Variants in PLEKHA7 observed in about 807,000 individuals in gnomAD.
PLEKHA7 encodes pleckstrin homology domain containing A7.
PLEKHA7 carries 104 observed loss-of-function variants against 170.0 expected under a neutral mutation model. That is an observed-to-expected ratio of 0.61 (90% CI 0.52 to 0.72). PLEKHA7 has a LOEUF of 0.72. Among genes scored for constraint, PLEKHA7 ranks in the 30% least tolerant of loss-of-function variants. PLEKHA7 has a pLI of 0.00. For synonymous variants in PLEKHA7, 648 were observed against 660.8 expected (o/e 0.98, Z 0.30); for missense variants, 1,615 against 1,671.7 (o/e 0.97, Z 0.59).
chr11:16,786,169 C>A, intron 24 of PLEKHA7, 60 bp downstream of exon 24: 1 of 1,519,480 alleles, frequency 6.6e-7, no homozygotes, highest in East Asian at 2.5e-5. Context: ...GAAGGTGGAT[C>A]AGGCTGGGAA....
At chr11:16,840,816 C>A (rs6486314) in intron 9 of PLEKHA7, among the ~76,000 whole-genome samples, 6 of 152,012 alleles carry the variant, frequency 3.9e-5, no homozygotes, top group Admixed American at 3.9e-4. Flanking sequence ...CCACGAATTC[C>A]GAAAACCACA....
At position 16,817,047 on chromosome 11, in the gene PLEKHA7, G is replaced by A. The variant is rs1002081854; in HGVS notation, c.1619C>T (p.Pro540Leu). 22 of 1,608,212 alleles carry A rather than the reference G, an allele frequency of 1.4e-5. No homozygotes were observed. The highest frequency in any genetic ancestry group is 1.1e-5 in the Non-Finnish European group (13 of 1,176,722). ...QQFRHGSPTA[P>L]ICLGSPEFTD... Reference sequence around the variant, plus strand: ...GAACTCTGGGGAGCCAAGGCAGATGGGCGCTGTGGGGCTGCCGTGCCGGAA... The same window carrying A: ...GAACTCTGGGGAGCCAAGGCAGATGAGCGCTGTGGGGCTGCCGTGCCGGAA... Residue 540 changes from proline to leucine, a missense_variant, in exon 11 of 27, where the codon CCC (proline) becomes CTC (leucine). By Grantham distance (98) the Pro-to-Leu change is moderately conservative. Transcript: ENST00000531066. This position sits in a 1 kb window ranked among gnomAD's most constrained non-coding sequence, Gnocchi z 4.4.
intron 3 of PLEKHA7, among the ~76,000 whole-genome samples, chr11:16,907,149 C>T (rs1380643299): frequency 4.2e-5 from 4 of 95,286 alleles, no homozygotes; most frequent in East Asian, 3.1e-4. Context: ...CCGCCCCGTC[C>T]GGAAGGGAGG....
chr11:16,880,584 C>T (rs1855635520), intron 3 of PLEKHA7, among the ~76,000 whole-genome samples: 1 of 152,266 alleles, frequency 6.6e-6, no homozygotes, highest in African/African-American at 2.4e-5. Flanking sequence ...TTCTTTTCTT[C>T]CCTTTGAGTT....
chr11:16,785,624 A>G (rs575850892), intron 24 of PLEKHA7, among the ~76,000 whole-genome samples: 1 of 152,276 alleles, frequency 6.6e-6, no homozygotes, highest in East Asian at 1.9e-4. Context: ...TTGGGTAGAG[A>G]CATTTCCTGA....
intron 3 of PLEKHA7, among the ~76,000 whole-genome samples, chr11:16,903,830 T>C (rs1398414813): frequency 6.6e-6 from 1 of 152,240 alleles, no homozygotes; most frequent in Non-Finnish European, 1.5e-5. Flanking sequence ...CAAATTGATT[T>C]AGTTTCAGCA....
At chr11:16,878,034 C>T (rs1054181461) in intron 3 of PLEKHA7, among the ~76,000 whole-genome samples, 1 of 152,196 alleles carries the variant, frequency 6.6e-6, no homozygotes, top group Admixed American at 6.5e-5. Flanking sequence ...AGCCTCCCTT[C>T]CCCGCAAACT....
rs534756912 is a variant in PLEKHA7 at position 16,791,964 on chromosome 11, C to T, written c.2746-765G>A. ...GACTAACGACCATCATGCCTTCCACCTCCTAAATTCCCTCTTTCTCGGTCT... is the reference window on the plus strand; with the variant it reads ...GACTAACGACCATCATGCCTTCCACTTCCTAAATTCCCTCTTTCTCGGTCT... On this transcript the variant is annotated intron_variant, in intron 19 of 26. Coordinates refer to ENST00000531066, the MANE Select transcript of PLEKHA7 (RefSeq NM_001329630.2). This position sits in a 1 kb window ranked among gnomAD's most constrained non-coding sequence, Gnocchi z 4.5. Among the ~76,000 whole-genome samples, 5 of 152,318 alleles carry T rather than the reference C, an allele frequency of 3.3e-5. No individual in the cohort carries two copies. The highest frequency in any genetic ancestry group is 7.2e-5 in the African/African-American group (3 of 41,552).
At chr11:16,784,774 G>A (rs1314667768) in intron 24 of PLEKHA7, among the ~76,000 whole-genome samples, 3 of 152,206 alleles carry the variant, frequency 2.0e-5, no homozygotes, top group African/African-American at 7.2e-5. Flanking sequence ...CTCTGTTGGA[G>A]ATGGCAAGAA....
chr11:16,826,684 G>T, intron 9 of PLEKHA7, 94 bp from the exon 10 acceptor site: 1 of 1,137,172 alleles, frequency 8.8e-7, no homozygotes, highest in Non-Finnish European at 1.3e-6. Context: ...CTTTGCACAG[G>T]CTATTCCCTC....
intron 3 of PLEKHA7, among the ~76,000 whole-genome samples, chr11:16,991,053 G>C (rs1279882544): frequency 6.6e-6 from 1 of 152,326 alleles, no homozygotes; most frequent in African/African-American, 2.4e-5. Flanking sequence ...CTGGAAGCTA[G>C]TGCAGAGACA....
intron 3 of PLEKHA7, among the ~76,000 whole-genome samples, chr11:16,883,844 G>T (rs1003249524): frequency 6.6e-6 from 1 of 152,120 alleles, no homozygotes; most frequent in African/African-American, 2.4e-5. Context: ...TTTAAGTACT[G>T]CATGCTACAG....
intron 3 of PLEKHA7, among the ~76,000 whole-genome samples, chr11:16,990,286 A>AAAAAAAAAAAAC (rs1863961490): frequency 1.8e-5 from 2 of 108,258 alleles, no homozygotes; most frequent in East Asian, 3.2e-4. Flanking sequence ...AAAAAAAAAA[A>AAAAAAAAAAAAC]AAAAAAAAAA....
intron 3 of PLEKHA7, among the ~76,000 whole-genome samples, chr11:16,945,608 A>G (rs1860978846): frequency 6.6e-6 from 1 of 152,248 alleles, no homozygotes; most frequent in Non-Finnish European, 1.5e-5. Flanking sequence ...TTTATCAGCC[A>G]GGCAAATAGA....
intron 4 of PLEKHA7, among the ~76,000 whole-genome samples, chr11:16,857,736 T>C (rs1473053372): frequency 7.0e-6 from 1 of 143,508 alleles, no homozygotes; most frequent in East Asian, 2.1e-4. Context: ...TTGTTTGTTT[T>C]GAGATGGAGT....
rs761414979 is a variant in PLEKHA7 at position 16,791,013 on chromosome 11, T to C, written c.2932A>G (p.Arg978Gly). The change falls in exon 20 of 27, where the codon AGG becomes GGG. Residue 978 changes from arginine (R) to glycine (G), a missense_variant and splice_region_variant. Physicochemically the swap from Arg to Gly is moderately radical, Grantham distance 125 (BLOSUM62 -2). Coordinates refer to ENST00000531066, the MANE Select transcript of PLEKHA7 (RefSeq NM_001329630.2). The surrounding 1 kb of genome is among the most constrained non-coding windows in gnomAD (Gnocchi z 4.5). The part of the protein sequence containing the change: ...ELGQCVNGDS[R>G]VELRSYVSEP... ...CAGCCCCAGGGTCCCCCGCTCACCCTGGAATCCCCATTCACACACTGCCCC... is the reference window on the plus strand; with the variant it reads ...CAGCCCCAGGGTCCCCCGCTCACCCCGGAATCCCCATTCACACACTGCCCC... 7.4e-6 allele frequency: 12 copies of C among 1,613,926 alleles called. No individual in the cohort carries two copies. Among genetic ancestry groups the C allele is most frequent in the Non-Finnish European group, 1.0e-5 (12 of 1,180,022 alleles).
At chr11:16,887,342 CCCTCTCCCCACGGTCTG>C (rs1856199045) in intron 3 of PLEKHA7, among the ~76,000 whole-genome samples, 1 of 78,222 alleles carries the variant, frequency 1.3e-5, no homozygotes, top group South Asian at 4.9e-4. Context: ...GTCTCCCTCT[CCCTCTCCCCACGGTCTG>C]CCTCTCCCTC....
At chr11:16,788,759 C>T in intron 23 of PLEKHA7, 1 of 391,180 alleles carries the variant, frequency 2.6e-6, no homozygotes, top group Non-Finnish European at 4.7e-6. Flanking sequence ...TCTTCCTCCT[C>T]TCCTCTCTGA....
chr11:16,813,027 C>A lies in PLEKHA7; in HGVS notation c.2007+86G>T, dbSNP rs545478016. 1.7e-5 allele frequency: 20 copies of A among 1,156,764 alleles called. No individual in the cohort carries two copies. The African/African-American group carries it at 2.6e-4, about 15-fold the overall frequency. The allele number at this position is 1,156,764 out of a possible 1,614,324, so 71.7% of individuals were successfully genotyped here. A position where few individuals can be genotyped will look rare whatever the true frequency, so the allele number is the denominator to read the frequency against. Reference sequence around the variant, plus strand: ...TTCAGATTGGATAAGACCTGTCTGGCCTTTGGCTTTGGGCTTGGCTCCAGT... The same window carrying A: ...TTCAGATTGGATAAGACCTGTCTGGACTTTGGCTTTGGGCTTGGCTCCAGT... On this transcript the variant is annotated intron_variant, in intron 13 of 26. Transcript: ENST00000531066.
Sources: gnomAD v4.1 joint callset for allele counts (sites outside exome capture counted in the v4.1 genomes callset) on GRCh38, gnomAD v4.1.1 for gene constraint, Gnocchi (gnomAD v3.1) non-coding constraint, MANE v1.5 for transcripts, NCBI Gene and HGNC (gene_info 2026-07-23, HGNC 2026-07-21) for gene names.